Variants in THBS3 observed in about 807,000 individuals in gnomAD.
THBS3 encodes thrombospondin 3.
A neutral mutation model predicts 118.3 loss-of-function variants in THBS3; 78 were observed. The observed-to-expected ratio is 0.66, with a 90% confidence interval of 0.55 to 0.80. The LOEUF (loss-of-function observed/expected upper bound fraction) is 0.80. THBS3 is among the 30% of genes least tolerant of loss of function. The pLI is 0.00. For missense variants in THBS3, 1,057 were observed against 1,247.4 expected, an observed-to-expected ratio of 0.85 and a Z score of 2.30; for synonymous variants, 427 against 475.3, an observed-to-expected ratio of 0.90 and a Z score of 1.32.
chr1:155,209,078 G>A (rs1323287286), upstream of THBS3: 1 of 1,539,340 alleles, frequency 6.5e-7, no homozygotes, highest in Non-Finnish European at 8.8e-7. Context: ...CGAGGCCCGC[G>A]GCCCAGTCCC....
Position 155,203,306 on chromosome 1 carries a change from C to G in THBS3, c.674-1G>C. 2 of 1,613,840 alleles carry G rather than the reference C, an allele frequency of 1.2e-6. No individual in the cohort carries two copies. Among genetic ancestry groups the G allele is most frequent in the Non-Finnish European group, 1.7e-6 (2 of 1,179,896 alleles). ...GTGACCAGCGCCTTGGTCTGCTCCC[C>G]TGTCGGGACCCAGGGTGTGAGGGGT... On this transcript the variant is annotated splice_acceptor_variant, in intron 5 of 22. Coordinates refer to ENST00000368378, the MANE Select transcript of THBS3 (RefSeq NM_007112.5). LOFTEE classifies it high-confidence loss of function.
rs990460503 is a variant in THBS3, at chr1:155,206,550, C to T, written c.80-144G>A. 11 of 713,712 alleles carry T rather than the reference C, an allele frequency of 1.5e-5. No homozygotes were observed. The highest frequency in any genetic ancestry group is 1.5e-4 in the South Asian group (9 of 58,488). 44.2% of individuals were successfully genotyped at this position (713,712 alleles called of 1,614,324 possible). On this transcript the variant is annotated intron_variant, in intron 1 of 22. Coordinates refer to ENST00000368378, the MANE Select transcript of THBS3 (RefSeq NM_007112.5). This position sits in a 1 kb window ranked among gnomAD's most constrained non-coding sequence, Gnocchi z 4.2. ...CAACCCTTGGCTGGGCATGGTGGCTCGCACCTGTAATCCCAACACCTTGGG... is the reference window on the plus strand; with the variant it reads ...CAACCCTTGGCTGGGCATGGTGGCTTGCACCTGTAATCCCAACACCTTGGG...
At chr1:155,208,002 G>A (rs1670811707), upstream of THBS3, 3 of 427,400 alleles carry the variant, frequency 7.0e-6, no homozygotes, top group South Asian at 1.9e-5. Flanking sequence ...CGGGTGAGGG[G>A]GGGCTGAAAC....
chr1:155,197,077 C>T lies in THBS3; in HGVS notation c.2636G>A (p.Trp879Ter), dbSNP rs1479293401. Residue 879 changes from tryptophan (W) to a stop codon, truncating the protein, a stop_gained, in exon 21 of 23, where the codon TGG becomes TAG. Transcript: ENST00000368378. LOFTEE classifies it high-confidence loss of function. The surrounding 1 kb of genome is among the most constrained non-coding windows in gnomAD (Gnocchi z 5.0). ...AACTTGAGGCCGGTGCAGAAGCTGC[C>T]AGCGATAGGAGGTCTTGTCCCGCCA... ...VGWRDKTSYR[W>*]QLLHRPQVGY... 1 of 1,614,116 alleles carries T rather than the reference C, an allele frequency of 6.2e-7. No homozygotes were observed.
intron 11 of THBS3, 94 bp from the exon 12 acceptor site, chr1:155,201,298 C>T: frequency 6.3e-7 from 1 of 1,586,920 alleles, no homozygotes; most frequent in Non-Finnish European, 8.6e-7. Flanking sequence ...CCCCACCAAA[C>T]AGTTCCTGGG....
At position 155,203,433 on chromosome 1, in the gene THBS3, G is replaced by A. The variant is rs912754602; in HGVS notation, c.673+80C>T. The A allele has an allele frequency of 9.4e-6, 15 of 1,597,004 alleles. No individual in the cohort carries two copies. The African/African-American group carries it at 1.5e-4, about 16-fold the overall frequency. ...TAAACCTACTACATTCCTGACTGAAGAGGACTTAGTTTCAGGCAGCTGCCA... is the reference window on the plus strand; with the variant it reads ...TAAACCTACTACATTCCTGACTGAAAAGGACTTAGTTTCAGGCAGCTGCCA... On this transcript the variant is annotated intron_variant, in intron 5 of 22. Coordinates refer to ENST00000368378, the MANE Select transcript of THBS3 (RefSeq NM_007112.5).
Position 155,206,424 on chromosome 1 carries a change from A to G in THBS3, c.80-18T>C. On this transcript the variant is annotated intron_variant, in intron 1 of 22. Transcript: ENST00000368378. The surrounding 1 kb of genome is among the most constrained non-coding windows in gnomAD (Gnocchi z 4.2). ...GTCAATTACTGGTCAGGCAGGGGTT[A>G]TCAAGGTTAGAGAATGGGATCAAAT... 6 of 1,612,616 alleles carry G rather than the reference A, an allele frequency of 3.7e-6. No individual in the cohort carries two copies. Among genetic ancestry groups the G allele is most frequent in the Non-Finnish European group, 5.1e-6 (6 of 1,179,138 alleles).
At chr1:155,196,507 T>G in intron 21 of THBS3, 1 of 253,258 alleles carries the variant, frequency 3.9e-6, no homozygotes. Flanking sequence ...CCAACCCAGG[T>G]TCCTGGACTC....
Position 155,198,077 on chromosome 1 carries a change from C to T in THBS3, c.2218G>A (p.Ala740Thr). Residue 740 changes from alanine to threonine, a missense_variant, in exon 18 of 23, where the codon GCT (alanine) becomes ACT (threonine). By Grantham distance (58) the Ala-to-Thr change is moderately conservative. Coordinates refer to ENST00000368378, the MANE Select transcript of THBS3 (RefSeq NM_007112.5). ...ACAACCCAGTTTGGGTCAATCTGAG[C>T]ATCACCCTCAGGATCCAGGACGACG... The part of the protein sequence containing the change: ...QTVVLDPEGD[A>T]QIDPNWVVLN... 6.2e-7 allele frequency: 1 copy of T among 1,614,168 alleles called. No individual in the cohort carries two copies. The highest frequency in any genetic ancestry group is 8.5e-7 in the Non-Finnish European group (1 of 1,180,032).
At chr1:155,208,721 C>G, upstream of THBS3, 1 of 1,323,630 alleles carries the variant, frequency 7.6e-7, no homozygotes, top group Non-Finnish European at 1.0e-6. Context: ...GGCCTCCGCT[C>G]CGGCCGCCGC....
At position 155,206,100 on chromosome 1, in the gene THBS3, A is replaced by G; in HGVS notation, c.286+100T>C. 7.1e-7 allele frequency: 1 copy of G among 1,404,130 alleles called. No individual in the cohort carries two copies. The highest frequency in any genetic ancestry group is 9.8e-7 in the Non-Finnish European group (1 of 1,015,788). 87.0% of individuals were successfully genotyped at this position (1,404,130 alleles called of 1,614,324 possible). On this transcript the variant is annotated intron_variant, in intron 2 of 22. Transcript: ENST00000368378. The surrounding 1 kb of genome is among the most constrained non-coding windows in gnomAD (Gnocchi z 4.2). The stretch of plus-strand genomic sequence containing the variant: ...ACAGCCTGATGGGACCTTGGTCCCT[A>G]GTGGAGGCCAAGGAGAATGAGGAAG...
chr1:155,207,930 G>C, upstream of THBS3: 1 of 1,545,044 alleles, frequency 6.5e-7, no homozygotes, highest in Non-Finnish European at 8.8e-7. Context: ...AGGGGAAAAG[G>C]CTAGGCGGAG....
In THBS3 at chr1:155,201,189, C is replaced by T; in HGVS notation, c.1345G>A (p.Ala449Thr). The change falls in exon 12 of 23, where the codon GCT becomes ACT. Residue 449 changes from alanine to threonine, a missense_variant. Physicochemically the swap from Ala to Thr is moderately conservative, Grantham distance 58. Around this residue, in one of 3 missense-constraint regions of THBS3, gnomAD observed 544 missense variants for 715.6 expected, o/e 0.76. Coordinates refer to ENST00000368378, the MANE Select transcript of THBS3 (RefSeq NM_007112.5). ...AVSCQCNVGW[A>T]GNGNVCGTDT... is the part of the protein sequence containing the mutation. ...GTCCCACACACGTTCCCATTCCCAG[C>T]CCAGCCCACGTTACACTAGGGCAAC... is the stretch of plus-strand genomic sequence containing the variant. 6.2e-7 allele frequency: 1 copy of T among 1,614,146 alleles called. No individual in the cohort carries two copies. Among genetic ancestry groups the T allele is most frequent in the Non-Finnish European group, 8.5e-7 (1 of 1,180,048 alleles).
chr1:155,200,296 T>C (rs1669498616), intron 14 of THBS3, 155 bp downstream of exon 14: 12 of 1,052,834 alleles, frequency 1.1e-5, no homozygotes, highest in East Asian at 2.4e-5. Flanking sequence ...CACATTCCTA[T>C]TGACATCTGC....
upstream of THBS3, chr1:155,209,147 G>A (rs1381005605): frequency 3.3e-6 from 5 of 1,527,526 alleles, no homozygotes; most frequent in East Asian, 9.9e-5. Flanking sequence ...GATCTCCCCA[G>A]GCCCCCTGAC....
In THBS3 at chr1:155,198,617, A is replaced by G; in HGVS notation, c.1881-15T>C. 6.2e-7 allele frequency: 1 copy of G among 1,612,396 alleles called. No individual in the cohort carries two copies. The highest frequency in any genetic ancestry group is 8.5e-7 in the Non-Finnish European group (1 of 1,178,688). On this transcript the variant is annotated splice_polypyrimidine_tract_variant and intron_variant, in intron 16 of 22. Coordinates refer to ENST00000368378, the MANE Select transcript of THBS3 (RefSeq NM_007112.5). ...CATCCCCATCGCTAATCAGAAGAAC[A>G]GGTACCAAATAAAGGATTTAAAGGT...
Position 155,198,422 on chromosome 1 carries a change from C to T in THBS3, c.2061G>A (p.Gln687=). 1 of 1,614,004 alleles carries T rather than the reference C, an allele frequency of 6.2e-7. No homozygotes were observed. The highest frequency in any genetic ancestry group is 8.5e-7 in the Non-Finnish European group (1 of 1,179,894). ...DNCRLVPNPN[Q]KDSDGNGVGD... ...CCGCAGGCTTACCATCTGAGTCCTT[C>T]TGATTGGGATTGGGTACCAGGCGGC... Residue 687 remains glutamine (Q), a synonymous_variant, in exon 17 of 23, where the codon CAG becomes CAA. Coordinates refer to ENST00000368378, the MANE Select transcript of THBS3 (RefSeq NM_007112.5).
intron 4 of THBS3, 69 bp from the exon 5 acceptor site, chr1:155,203,608 G>A (rs2147998662): frequency 6.3e-7 from 1 of 1,587,140 alleles, no homozygotes; most frequent in Non-Finnish European, 8.6e-7. Context: ...TGGTGAGAAG[G>A]AGGAAGGAAG....
intron 4 of THBS3, among the ~76,000 whole-genome samples, chr1:155,204,579 C>T (rs1163212100): frequency 7.1e-6 from 1 of 140,238 alleles, no homozygotes; most frequent in Non-Finnish European, 1.5e-5. Flanking sequence ...GACAAGACTC[C>T]ATCACCAAAA....
Sources: gnomAD v4.1 joint callset for allele counts (sites outside exome capture counted in the v4.1 genomes callset) on GRCh38, gnomAD v4.1.1 for gene constraint, gnomAD v4.1.1 regional missense constraint, Gnocchi (gnomAD v3.1) non-coding constraint, MANE v1.5 for transcripts, NCBI Gene and HGNC (gene_info 2026-07-23, HGNC 2026-07-21) for gene names.